Variants in MAST1 observed in about 807,000 individuals in gnomAD.
MAST1 encodes microtubule-associated serine/threonine-protein kinase 1.
MAST1 carries 40 observed loss-of-function variants against 124.6 expected under a neutral mutation model. The ratio of observed to expected loss-of-function variants is 0.32; its 90% CI spans 0.25 to 0.42. MAST1 has a LOEUF of 0.42. MAST1 is among the 10% of genes least tolerant of loss of function. The probability of loss-of-function intolerance (pLI) is 1.00; values close to 1 mark genes in which losing one functional copy is unlikely to be tolerated. For missense variants in MAST1, 1,558 were observed against 2,181.9 expected (o/e 0.71, Z 5.70); for synonymous variants, 938 against 939.4 (o/e 1.00, Z 0.03).
chr19:12,849,939 AG>A (rs1320205926), intron 7 of MAST1, among the ~76,000 whole-genome samples: 1 of 151,920 alleles, frequency 6.6e-6, no homozygotes, highest in Non-Finnish European at 1.5e-5. Flanking sequence ...CTGGGATCAC[AG>A]GCACCCACCA....
intron 4 of MAST1, among the ~76,000 whole-genome samples, chr19:12,846,100 G>A (rs1226312929): frequency 1.3e-5 from 2 of 152,142 alleles, no homozygotes; most frequent in Non-Finnish European, 1.5e-5. Flanking sequence ...TACACAGAAG[G>A]CAGAGGGGGG....
intron 10 of MAST1, among the ~76,000 whole-genome samples, chr19:12,853,417 G>A (rs893743606): frequency 4.6e-5 from 7 of 151,850 alleles, no homozygotes; most frequent in African/African-American, 1.2e-4. Flanking sequence ...TCAGCTGGGC[G>A]TGGTGGTGCA....
intron 10 of MAST1, among the ~76,000 whole-genome samples, chr19:12,856,261 G>T (rs1692080873): frequency 6.7e-6 from 1 of 149,848 alleles, no homozygotes; most frequent in African/African-American, 2.5e-5. Context: ...TTTCCCCATT[G>T]CCCTATAGCC....
At chr19:12,861,999 CTTTTT>C (rs55931366) in intron 12 of MAST1, among the ~76,000 whole-genome samples, 1 of 122,988 alleles carries the variant, frequency 8.1e-6, no homozygotes, top group Non-Finnish European at 1.7e-5. Context: ...CCGTGCCTGC[CTTTTT>C]TTTTTTTTTT....
At chr19:12,850,287 A>T (rs756402190) in intron 7 of MAST1, among the ~76,000 whole-genome samples, 8 of 152,160 alleles carry the variant, frequency 5.3e-5, no homozygotes, top group Non-Finnish European at 8.8e-5. Context: ...GGGAGCTGAG[A>T]CAGGAGGCTT....
chr19:12,872,824 G>C (rs934232425), intron 24 of MAST1: 1 of 157,544 alleles, frequency 6.3e-6, no homozygotes, highest in African/African-American at 2.4e-5. Flanking sequence ...GTAATCGCTT[G>C]AACCCGGGAG....
chr19:12,862,369 G>A (rs1312839919), intron 12 of MAST1, among the ~76,000 whole-genome samples: 5 of 152,076 alleles, frequency 3.3e-5, no homozygotes, highest in African/African-American at 1.2e-4. Flanking sequence ...ACAGCTTACT[G>A]CAGCCTTGAA....
chr19:12,862,224 C>T (rs1043877887), intron 12 of MAST1, among the ~76,000 whole-genome samples: 1 of 152,108 alleles, frequency 6.6e-6, no homozygotes, highest in South Asian at 2.1e-4. Flanking sequence ...AGGCTGGTCT[C>T]GAATTCCTAG....
rs200178115 is a variant in MAST1, at chr19:12,849,782, A to ATATT, written c.774+1743_774+1746dup. 9.2e-5 allele frequency among the ~76,000 whole-genome samples: 14 copies of ATATT among 151,888 alleles called. No individual in the cohort carries two copies. In the East Asian group the frequency reaches 1.5e-3, roughly 17 times the overall value. On this transcript the variant is annotated intron_variant, in intron 7 of 25. Coordinates refer to ENST00000251472, the MANE Select transcript of MAST1 (RefSeq NM_014975.3). ...ACTTGATCATTCATTAATTCCACCAATATTTATTTATTTATTTATTTTATT... is the reference window on the plus strand; with the variant it reads ...ACTTGATCATTCATTAATTCCACCAATATTTATTTATTTATTTATTTATTTTATT...
chr19:12,856,946 C>T (rs1970023796), intron 10 of MAST1, among the ~76,000 whole-genome samples: 3 of 152,194 alleles, frequency 2.0e-5, no homozygotes, highest in South Asian at 2.1e-4. Context: ...ACACTCCCAA[C>T]AGCAAAGTAT....
chr19:12,867,569 CGAG>C lies in MAST1; in HGVS notation c.2239_2241del (p.Glu747del), dbSNP rs1193131906. The stretch of plus-strand genomic sequence containing the variant: ...AGCGGGAGCCGAGCACCAAGGGCCC[CGAG>C]GAGAAGGTGGCCGGCAAGCGGGAGG... On this transcript the variant is annotated inframe_deletion, in exon 19 of 26. Coordinates refer to ENST00000251472, the MANE Select transcript of MAST1 (RefSeq NM_014975.3). 1 of 1,613,476 alleles carries C rather than the reference CGAG, an allele frequency of 6.2e-7. No individual in the cohort carries two copies. The highest frequency in any genetic ancestry group is 1.1e-5 in the South Asian group (1 of 91,064).
chr19:12,859,381 A>G lies in MAST1; in HGVS notation c.1366+642A>G, dbSNP rs190617911. On this transcript the variant is annotated intron_variant, in intron 12 of 25. Coordinates refer to ENST00000251472, the MANE Select transcript of MAST1 (RefSeq NM_014975.3). ...AGGCATGAGCCACTGTGCCAGGCCT[A>G]TTTTATTTTATTTATTTATTTTTGA... Among the ~76,000 whole-genome samples the G allele has an allele frequency of 1.5e-3, 227 of 152,094 alleles. 7 individuals carry two copies. Among genetic ancestry groups the G allele is most frequent in the Admixed American group, 0.014 (208 of 15,258 alleles).
At chr19:12,854,284 T>C (rs549097685) in intron 10 of MAST1, among the ~76,000 whole-genome samples, 2 of 152,144 alleles carry the variant, frequency 1.3e-5, no homozygotes, top group African/African-American at 4.8e-5. Context: ...CCACCACACC[T>C]GGCTAATTTT....
At chr19:12,839,731 T>C (rs942380289) in intron 1 of MAST1, among the ~76,000 whole-genome samples, 1 of 151,840 alleles carries the variant, frequency 6.6e-6, no homozygotes, top group African/African-American at 2.4e-5. Flanking sequence ...CACAAAGACA[T>C]AGATACATGT....
rs545357104 is a variant in MAST1, at chr19:12,842,274, GTCTCTC to G, written c.248+1222_248+1227del. ...TAAACACAGAGTCACAGTGTTTACT[GTCTCTC>G]TCTCTCTCTCTCTTTTTTTTTTCTT... On this transcript the variant is annotated intron_variant, in intron 3 of 25. Coordinates refer to ENST00000251472, the MANE Select transcript of MAST1 (RefSeq NM_014975.3). 2.8e-3 allele frequency among the ~76,000 whole-genome samples: 428 copies of G among 151,072 alleles called. 2 individuals are homozygous for G. The highest frequency in any genetic ancestry group is 8.9e-3 in the African/African-American group (367 of 41,186).
At chr19:12,857,432 G>C (rs944288107) in intron 10 of MAST1, among the ~76,000 whole-genome samples, 1 of 146,566 alleles carries the variant, frequency 6.8e-6, no homozygotes, top group Admixed American at 6.9e-5. Context: ...TTTTTTTTGA[G>C]ACAGAGTCTC....
intron 10 of MAST1, 21 bp downstream of exon 10, chr19:12,852,416 G>A (rs531492349): frequency 8.7e-6 from 14 of 1,612,722 alleles, no homozygotes; most frequent in African/African-American, 2.7e-5. Context: ...GTGGCTAAGC[G>A]GTCAGTACCC....
Position 12,866,119 on chromosome 19 carries a change from G to A in MAST1, c.2029+17G>A. ...ACTTTGACAGTGAGCTGGGACACCA[G>A]GCACGACCTGGGTCGAGGGGTGGGA... On this transcript the variant is annotated intron_variant, in intron 17 of 25. Transcript: ENST00000251472. This position sits in a 1 kb window ranked among gnomAD's most constrained non-coding sequence, Gnocchi z 5.2. 1 of 1,613,644 alleles carries A rather than the reference G, an allele frequency of 6.2e-7. No individual in the cohort carries two copies. Among genetic ancestry groups the A allele is most frequent in the Non-Finnish European group, 8.5e-7 (1 of 1,180,004 alleles).
At position 12,852,054 on chromosome 19, in the gene MAST1, G is replaced by T; in HGVS notation, c.876+19G>T. On this transcript the variant is annotated intron_variant, in intron 8 of 25. Transcript: ENST00000251472. ...GTGCCTGGTGAGGGGGCTGGGCATG[G>T]GTAGGGGTGGGTTGGTAGACCCTGG... 1 of 1,613,960 alleles carries T rather than the reference G, an allele frequency of 6.2e-7. No individual in the cohort carries two copies. The highest frequency in any genetic ancestry group is 2.2e-5 in the East Asian group (1 of 44,878).
Sources: gnomAD v4.1 joint callset for allele counts (sites outside exome capture counted in the v4.1 genomes callset) on GRCh38, gnomAD v4.1.1 for gene constraint, Gnocchi (gnomAD v3.1) non-coding constraint, MANE v1.5 for transcripts, NCBI Gene and HGNC (gene_info 2026-07-23, HGNC 2026-07-21) for gene names.